Variants in ADAMTSL1 observed in about 807,000 individuals in gnomAD.
ADAMTSL1 encodes the protein ADAMTS like 1, also known as ADAMTS-like protein 1.
ADAMTSL1 carries 126 observed loss-of-function variants against 201.8 expected under a neutral mutation model. The observed-to-expected ratio is 0.62, with a 90% CI of 0.54 to 0.72. The LOEUF (loss-of-function observed/expected upper bound fraction) is 0.72, where lower values mean the gene tolerates loss of function less well. Among genes scored for constraint, ADAMTSL1 ranks in the 30% least tolerant of loss-of-function variants. The pLI, the probability that ADAMTSL1 is intolerant of heterozygous loss-of-function variation, is 0.00. For synonymous variants in ADAMTSL1, 1,121 were observed against 903.4 expected (o/e 1.24, Z -4.32); for missense variants, 2,679 against 2,277.8 (o/e 1.18, Z -3.59).
chr9:18,084,397 C>T (rs547021170), intron 1 of ADAMTSL1, among the ~76,000 whole-genome samples: 1 of 151,944 alleles, frequency 6.6e-6, no homozygotes, highest in Non-Finnish European at 1.5e-5. Context: ...TGGTGTGCAC[C>T]TGTAATCCCA....
intron 2 of ADAMTSL1, among the ~76,000 whole-genome samples, chr9:18,440,789 A>G (rs1819962573): frequency 6.6e-6 from 1 of 151,978 alleles, no homozygotes; most frequent in Admixed American, 6.6e-5. Flanking sequence ...GAAAATCAAG[A>G]GCTTTATTTT....
At chr9:18,772,509 C>A (rs1357722199) in intron 17 of ADAMTSL1, among the ~76,000 whole-genome samples, 7 of 152,168 alleles carry the variant, frequency 4.6e-5, no homozygotes, top group Non-Finnish European at 1.5e-5. Context: ...CAAAGACAGG[C>A]AAACCTAGGT....
chr9:18,871,403 A>G (rs1327627643), intron 23 of ADAMTSL1, among the ~76,000 whole-genome samples: 1 of 151,994 alleles, frequency 6.6e-6, no homozygotes, highest in Non-Finnish European at 1.5e-5. Flanking sequence ...CTCCTTTGAT[A>G]TCTCTTCTTC....
intron 12 of ADAMTSL1, among the ~76,000 whole-genome samples, chr9:18,683,230 GT>G (rs60751848): frequency 3.5e-5 from 5 of 143,636 alleles, no homozygotes; most frequent in African/African-American, 7.7e-5. Context: ...GGTTTTTTTT[GT>G]TTTTTTTTTT....
chr9:18,568,556 C>T (rs1464161216), intron 3 of ADAMTSL1, among the ~76,000 whole-genome samples: 1 of 152,070 alleles, frequency 6.6e-6, no homozygotes, highest in African/African-American at 2.4e-5. Flanking sequence ...TTTATCATAA[C>T]GTGGTTATCC....
At chr9:18,415,129 C>G (rs1445792656) in intron 2 of ADAMTSL1, among the ~76,000 whole-genome samples, 1 of 152,144 alleles carries the variant, frequency 6.6e-6, no homozygotes, top group Non-Finnish European at 1.5e-5. Flanking sequence ...ACAGAAATTT[C>G]TATACCCAAC....
At chr9:17,949,711 G>A (rs1039101582) in intron 1 of ADAMTSL1, among the ~76,000 whole-genome samples, 2 of 152,128 alleles carry the variant, frequency 1.3e-5, no homozygotes, top group African/African-American at 4.8e-5. Flanking sequence ...AGGACTGACA[G>A]TATCAGTCCC....
At chr9:18,483,626 G>C (rs576693610) in intron 1 of ADAMTSL1, among the ~76,000 whole-genome samples, 2 of 152,290 alleles carry the variant, frequency 1.3e-5, no homozygotes, top group East Asian at 3.9e-4. Flanking sequence ...AGGAGATCGA[G>C]ACCATCCTCG....
chr9:17,955,927 T>A (rs1827912710), intron 1 of ADAMTSL1, among the ~76,000 whole-genome samples: 1 of 152,192 alleles, frequency 6.6e-6, no homozygotes, highest in Non-Finnish European at 1.5e-5. Context: ...GTTTTGAGCT[T>A]CTAATTTATG....
intron 1 of ADAMTSL1, among the ~76,000 whole-genome samples, chr9:17,982,075 C>T (rs1818729135): frequency 6.6e-6 from 1 of 152,192 alleles, no homozygotes; most frequent in East Asian, 1.9e-4. Flanking sequence ...CTTGCTTAAA[C>T]ATTTTCCATA....
intron 2 of ADAMTSL1, among the ~76,000 whole-genome samples, chr9:18,428,326 G>A (rs7873681): frequency 0.66 from 100,376 of 151,444 alleles, 33,453 homozygotes; most frequent in East Asian, 0.88. Context: ...ACATCTATCA[G>A]TGGCTCACAT....
intron 3 of ADAMTSL1, among the ~76,000 whole-genome samples, chr9:18,570,743 C>A (rs1822245382): frequency 6.6e-6 from 1 of 152,172 alleles, no homozygotes; most frequent in African/African-American, 2.4e-5. Context: ...ACTCTGAACT[C>A]CAGGTTTAAA....
At chr9:18,337,612 G>A (rs1269944646) in intron 2 of ADAMTSL1, among the ~76,000 whole-genome samples, 1 of 152,116 alleles carries the variant, frequency 6.6e-6, no homozygotes, top group Non-Finnish European at 1.5e-5. Flanking sequence ...TGGCAAAATC[G>A]GGAGTTAGAC....
chr9:18,109,759 G>A (rs749722469), intron 1 of ADAMTSL1, among the ~76,000 whole-genome samples: 5 of 152,156 alleles, frequency 3.3e-5, no homozygotes, highest in Middle Eastern at 3.2e-3. Context: ...ATTCTTAGCT[G>A]TCAGCAGCGT....
chr9:18,168,368 A>C (rs749191212), intron 2 of ADAMTSL1, among the ~76,000 whole-genome samples: 1 of 152,128 alleles, frequency 6.6e-6, no homozygotes, highest in South Asian at 2.1e-4. Flanking sequence ...GAGTGAGAAC[A>C]TGCGGTGTTT....
In ADAMTSL1 at chr9:18,230,181, A is replaced by T. The variant is rs189293338; in HGVS notation, c.207+66200A>T. ...CAGTACAGTAACCCAGAGGTGAGAC[A>T]TCTTTGTAGATGCTATCCATACCCC... On this transcript the variant is annotated intron_variant, in intron 2 of 29. Transcript: ENST00000680146. Among the ~76,000 whole-genome samples the T allele has an allele frequency of 1.6e-4, 24 of 152,324 alleles. No individual in the cohort carries two copies. The East Asian group carries it at 4.2e-3, about 27-fold the overall frequency.
intron 2 of ADAMTSL1, among the ~76,000 whole-genome samples, chr9:18,227,942 G>T (rs562392754): frequency 2.6e-5 from 4 of 152,042 alleles, no homozygotes; most frequent in Admixed American, 6.6e-5. Flanking sequence ...TAATATTAAG[G>T]TTCATTGTTT....
intron 13 of ADAMTSL1, among the ~76,000 whole-genome samples, chr9:18,705,890 C>T (rs1160471640): frequency 6.6e-6 from 1 of 152,192 alleles, no homozygotes; most frequent in Admixed American, 6.5e-5. Flanking sequence ...TTGCAGGAGG[C>T]ACAAGTGATG....
intron 1 of ADAMTSL1, among the ~76,000 whole-genome samples, chr9:18,065,883 A>C (rs1318466795): frequency 1.4e-5 from 2 of 148,132 alleles, no homozygotes; most frequent in East Asian, 4.2e-4. Flanking sequence ...CAGGAGGCTG[A>C]GGCAGGAGAA....
Sources: allele counts gnomAD v4.1 joint callset (sites outside exome capture counted in the v4.1 genomes callset), GRCh38; gene constraint gnomAD v4.1.1; transcripts MANE v1.5; gene names NCBI Gene and HGNC (gene_info 2026-07-23, HGNC 2026-07-21).